The following PAK5 variants were observed in gnomAD, a reference collection of about 807,000 sequenced individuals.
The protein encoded by PAK5 is p21 (RAC1) activated kinase 5.
Under a neutral mutation model 65.9 loss-of-function variants are expected in PAK5, and 16 were observed. The observed-to-expected ratio is 0.24, with a 90% confidence interval of 0.16 to 0.37. The LOEUF (loss-of-function observed/expected upper bound fraction) is 0.37. PAK5 is among the 10% of genes least tolerant of loss of function. The pLI, the probability that PAK5 is intolerant of heterozygous loss-of-function variation, is 1.00. For synonymous variants in PAK5, 371 were observed against 354.9 expected (o/e 1.05, Z -0.51); for missense variants, 785 against 903.9 (o/e 0.87, Z 1.69).
chr20:9,729,690 G>T (rs2048314327), intron 1 of PAK5, among the ~76,000 whole-genome samples: 1 of 152,102 alleles, frequency 6.6e-6, no homozygotes, highest in Non-Finnish European at 1.5e-5. Flanking sequence ...AGTCCTCTTG[G>T]ACCATGAAGT....
chr20:9,562,974 G>A lies in PAK5; in HGVS notation c.1533C>T (p.Ser511=). 1.2e-6 allele frequency: 2 copies of A among 1,612,664 alleles called. No homozygotes were observed. The highest frequency in any genetic ancestry group is 8.5e-7 in the Non-Finnish European group (1 of 1,178,816). ...YHHDNVVDMY[S]SYLVGDELWV... ...AGAGCTCATCGCCGACAAGGTAGCTGCTGTACATGTCAACCACATTGTCAT... is the reference window on the plus strand; with the variant it reads ...AGAGCTCATCGCCGACAAGGTAGCTACTGTACATGTCAACCACATTGTCAT... Residue 511 remains serine (S), a synonymous_variant, in exon 6 of 10, where the codon AGC becomes AGT. Coordinates refer to ENST00000353224, the MANE Select transcript of PAK5 (RefSeq NM_177990.4).
At chr20:9,573,167 A>G (rs557477725) in intron 4 of PAK5, among the ~76,000 whole-genome samples, 1 of 151,954 alleles carries the variant, frequency 6.6e-6, no homozygotes, top group Non-Finnish European at 1.5e-5. Context: ...TTTGTATACC[A>G]TATAAATTAA....
At chr20:9,718,890 T>C (rs1460330756) in intron 1 of PAK5, among the ~76,000 whole-genome samples, 1 of 152,170 alleles carries the variant, frequency 6.6e-6, no homozygotes, top group East Asian at 1.9e-4. Flanking sequence ...ATCATTCCAT[T>C]ACCGGGTTTG....
intron 3 of PAK5, among the ~76,000 whole-genome samples, chr20:9,636,746 G>T (rs572306208): frequency 1.6e-3 from 242 of 152,262 alleles, no homozygotes; most frequent in Non-Finnish European, 3.0e-3. Flanking sequence ...CTTTGAAAAG[G>T]TTGTAGAGAT....
intron 1 of PAK5, among the ~76,000 whole-genome samples, chr20:9,787,737 G>A (rs1023154450): frequency 1.3e-5 from 2 of 151,936 alleles, no homozygotes; most frequent in African/African-American, 2.4e-5. Context: ...ACTGCTAAGT[G>A]CAGATTTGGG....
intron 1 of PAK5, among the ~76,000 whole-genome samples, chr20:9,719,042 A>G (rs1459330835): frequency 1.3e-5 from 2 of 152,160 alleles, no homozygotes; most frequent in African/African-American, 4.8e-5. Flanking sequence ...ATGATAAAAT[A>G]TTTATAGCCA....
intron 1 of PAK5, among the ~76,000 whole-genome samples, chr20:9,768,810 A>G (rs2048800599): frequency 1.4e-5 from 2 of 138,184 alleles, no homozygotes; most frequent in African/African-American, 5.6e-5. Context: ...AAAAAAAAAA[A>G]GGGAAAGAAA....
At chr20:9,643,308 A>C (rs1241514731) in intron 3 of PAK5, among the ~76,000 whole-genome samples, 2 of 152,104 alleles carry the variant, frequency 1.3e-5, no homozygotes, top group Admixed American at 6.5e-5. Flanking sequence ...ATTGCCTGCT[A>C]GTCTATAGAA....
intron 2 of PAK5, among the ~76,000 whole-genome samples, chr20:9,695,165 T>C (rs1327253740): frequency 6.6e-6 from 1 of 152,064 alleles, no homozygotes; most frequent in Non-Finnish European, 1.5e-5. Flanking sequence ...CTTGGCCATG[T>C]AGATATCCTC....
At chr20:9,616,663 C>G (rs1397005203) in intron 3 of PAK5, among the ~76,000 whole-genome samples, 5 of 152,166 alleles carry the variant, frequency 3.3e-5, no homozygotes, top group Non-Finnish European at 7.3e-5. Context: ...ATGTGGGGCT[C>G]TATGGCACAG....
At chr20:9,572,921 G>A (rs1338523442) in intron 4 of PAK5, among the ~76,000 whole-genome samples, 1 of 152,188 alleles carries the variant, frequency 6.6e-6, no homozygotes, top group Non-Finnish European at 1.5e-5. Flanking sequence ...TGTCATGAGA[G>A]AAGACCAGGT....
At chr20:9,557,851 T>A in intron 6 of PAK5, 117 bp from the exon 7 acceptor site, 1 of 652,434 alleles carries the variant, frequency 1.5e-6, no homozygotes, top group Non-Finnish European at 2.5e-6. Context: ...AGCCCATATC[T>A]GAAAAACCTG....
rs951221070 is a variant in PAK5, at chr20:9,552,682, C to T, written c.1743+4926G>A. On this transcript the variant is annotated intron_variant, in intron 7 of 9. Coordinates refer to ENST00000353224, the MANE Select transcript of PAK5 (RefSeq NM_177990.4). ...CATTCTTTCAAACCTGAGCAATTCT[C>T]GGTCATTTTTCCTAACTTTAAAAAA... Among the ~76,000 whole-genome samples, 11 of 151,070 alleles carry T rather than the reference C, an allele frequency of 7.3e-5. 1 individual carries two copies. In the South Asian group the frequency reaches 1.1e-3, roughly 14 times the overall value.
At chr20:9,665,080 T>G (rs2061976223) in intron 2 of PAK5, among the ~76,000 whole-genome samples, 1 of 127,590 alleles carries the variant, frequency 7.8e-6, no homozygotes, top group African/African-American at 3.2e-5. Context: ...CAGCTAAATT[T>G]TTCTGTTTTT....
At chr20:9,803,323 C>T (rs1600391900) in intron 1 of PAK5, among the ~76,000 whole-genome samples, 1 of 152,066 alleles carries the variant, frequency 6.6e-6, no homozygotes, top group East Asian at 1.9e-4. Flanking sequence ...ACTTACTACG[C>T]CAAGCCCAGA....
At chr20:9,583,716 T>C (rs1396548103) in intron 3 of PAK5, among the ~76,000 whole-genome samples, 1 of 152,240 alleles carries the variant, frequency 6.6e-6, no homozygotes, top group East Asian at 1.9e-4. Context: ...GTATTCACTG[T>C]TAGAGTGCCA....
intron 1 of PAK5, among the ~76,000 whole-genome samples, chr20:9,825,746 AT>A (rs1171255514): frequency 7.2e-5 from 11 of 152,172 alleles, no homozygotes; most frequent in Admixed American, 2.0e-4. Flanking sequence ...TTACTTCTAA[AT>A]TTTTTTTCTA....
chr20:9,707,535 C>A (rs1004584290), intron 2 of PAK5, among the ~76,000 whole-genome samples: 4 of 152,090 alleles, frequency 2.6e-5, no homozygotes, highest in African/African-American at 7.2e-5. Flanking sequence ...TTATCAATGT[C>A]TTTTGCAATG....
intron 1 of PAK5, among the ~76,000 whole-genome samples, chr20:9,788,294 C>CA: frequency 6.6e-6 from 1 of 152,042 alleles, no homozygotes; most frequent in Non-Finnish European, 1.5e-5. Flanking sequence ...TGTTTGGTCA[C>CA]ACTAGATGCC....
Sources: allele counts gnomAD v4.1 joint callset (sites outside exome capture counted in the v4.1 genomes callset), GRCh38; gene constraint gnomAD v4.1.1; transcripts MANE v1.5; gene names NCBI Gene and HGNC (gene_info 2026-07-23, HGNC 2026-07-21).